The following AP2A1 variants were observed in gnomAD, a reference collection of about 807,000 sequenced individuals.
AP2A1 encodes AP-2 complex subunit alpha-1.
Under a neutral mutation model 107.3 loss-of-function variants are expected in AP2A1, and 21 were observed. That is an observed-to-expected ratio of 0.20 (90% CI 0.14 to 0.28). The LOEUF is 0.28. Among genes scored for constraint, AP2A1 ranks in the 10% least tolerant of loss-of-function variants. AP2A1 has a pLI of 1.00. For missense variants in AP2A1, 873 were observed against 1,307.7 expected, an observed-to-expected ratio of 0.67 and a Z score of 5.13; for synonymous variants, 602 against 564.8, an observed-to-expected ratio of 1.07 and a Z score of -0.93.
Position 49,805,681 on chromosome 19 carries a change from C to T in AP2A1, c.2489C>T (p.Ala830Val). ...ATCAGGTACGGTGGCGCCCCCCAGG[C>T]CCTCACCCTGAAGCTCCCAGTGACC... ...VRFRYGGAPQ[A>V]LTLKLPVTIN... The change falls in exon 20 of 23, where the codon GCC becomes GTC. Residue 830 changes from alanine to valine, a missense_variant. Physicochemically the swap from Ala to Val is moderately conservative, Grantham distance 64. Around this residue, in one of 4 missense-constraint regions of AP2A1, gnomAD observed 416 missense variants for 473.4 expected, o/e 0.88. Transcript: ENST00000354293. 6.4e-7 allele frequency: 1 copy of T among 1,565,050 alleles called. No homozygotes were observed. The highest frequency in any genetic ancestry group is 8.7e-7 in the Non-Finnish European group (1 of 1,155,724).
chr19:49,802,757 G>A, intron 15 of AP2A1, 192 bp from the exon 16 acceptor site: 1 of 1,008,614 alleles, frequency 9.9e-7, no homozygotes, highest in Non-Finnish European at 1.4e-6. Flanking sequence ...CGATGCGGGG[G>A]CACGGGCCAG....
Position 49,799,576 on chromosome 19 carries a change from C to T in AP2A1, c.1135-53C>T, listed in dbSNP as rs138602676. The stretch of plus-strand genomic sequence containing the variant: ...GCTCAGAGGCCCTTGGGTGGCCAAC[C>T]CTGTGCCAACAGGGAGTCTAAAACA... On this transcript the variant is annotated intron_variant, in intron 9 of 22. Coordinates refer to ENST00000354293, the MANE Select transcript of AP2A1 (RefSeq NM_130787.3). The T allele has an allele frequency of 2.4e-5, 39 of 1,599,830 alleles. No individual in the cohort carries two copies. The African/African-American group carries it at 4.5e-4, about 19-fold the overall frequency.
intron 18 of AP2A1, 137 bp downstream of exon 18, chr19:49,803,513 T>A (rs571063328): frequency 2.8e-6 from 2 of 715,578 alleles, no homozygotes; most frequent in East Asian, 5.4e-5. Context: ...ATTGAGTGTC[T>A]GCATCTGTTA....
rs754378520 is a variant in AP2A1 at position 49,799,714 on chromosome 19, C to T, written c.1220C>T (p.Ser407Leu). The T allele has an allele frequency of 4.4e-5, 71 of 1,613,288 alleles. No homozygotes were observed. The highest frequency in any genetic ancestry group is 3.5e-4 in the South Asian group (32 of 91,086). Residue 407 changes from serine (S) to leucine (L), a missense_variant, in exon 10 of 23, where the codon TCG (serine) becomes TTG (leucine). Around this residue, in one of 4 missense-constraint regions of AP2A1, gnomAD observed 213 missense variants for 443.5 expected, o/e 0.48. Transcript: ENST00000354293. Reference sequence around the variant, plus strand: ...CGGAGCAATGCCAAGCAGATCGTGTCGGAGATGCTGCGGTACCTGGAGACG... The same window carrying T: ...CGGAGCAATGCCAAGCAGATCGTGTTGGAGATGCTGCGGTACCTGGAGACG... ...CDRSNAKQIVSEMLRYLETAD... is the reference protein window; with the variant it reads ...CDRSNAKQIVLEMLRYLETAD...
Position 49,806,824 on chromosome 19 carries a change from G to C in AP2A1, c.*66G>C. The C allele has an allele frequency of 6.2e-7, 1 of 1,606,486 alleles. No homozygotes were observed. Among genetic ancestry groups the C allele is most frequent in the African/African-American group, 1.3e-5 (1 of 74,806 alleles). On this transcript the variant is annotated 3_prime_UTR_variant, in exon 23 of 23. Transcript: ENST00000354293. ...AGCCCCTTGGACTGAGGCAGTTTTG[G>C]TGGATGGGGGACCTCCACTGGTGAC...
In AP2A1 at chr19:49,803,292, A is replaced by G. The variant is rs202117686; in HGVS notation, c.2260A>G (p.Met754Val). 3.4e-4 allele frequency: 548 copies of G among 1,613,794 alleles called. 2 individuals are homozygous for G. Among genetic ancestry groups the G allele is most frequent in the Non-Finnish European group, 5.2e-5 (61 of 1,179,874 alleles). The stretch of plus-strand genomic sequence containing the variant: ...GCCTCCCCCACCTACTGCAGGCCGC[A>G]TGTATCTCTTCTATGGCAACAAGAC... ...KSEFRQNLGR[M>V]YLFYGNKTSV... The change falls in exon 18 of 23, where the codon ATG becomes GTG. Residue 754 changes from methionine (M) to valine (V), a missense_variant. Physicochemically the swap from Met to Val is conservative, Grantham distance 21. This residue lies in a region of AP2A1 where 416 missense variants were observed against 473.4 expected (regional missense o/e 0.88). Coordinates refer to ENST00000354293, the MANE Select transcript of AP2A1 (RefSeq NM_130787.3).
intron 14 of AP2A1, 39 bp downstream of exon 14, chr19:49,801,928 G>A (rs765380954): frequency 6.9e-7 from 1 of 1,458,204 alleles, no homozygotes. Flanking sequence ...GGTGCCTGGG[G>A]CTGGGTCCTG....
At chr19:49,787,680 G>T (rs375480419) in intron 4 of AP2A1, among the ~76,000 whole-genome samples, 183 of 152,042 alleles carry the variant, frequency 1.2e-3, no homozygotes, top group African/African-American at 4.2e-3. Flanking sequence ...TCAGTTCAGT[G>T]GTTTCTAGTA....
At chr19:49,795,971 G>A (rs2073208868) in intron 7 of AP2A1, 2 of 543,710 alleles carry the variant, frequency 3.7e-6, no homozygotes, top group African/African-American at 1.9e-5. Context: ...TGAGGTCCCT[G>A]CTACCCGGGC....
At chr19:49,803,450 C>A in intron 18 of AP2A1, 74 bp downstream of exon 18, 2 of 1,228,034 alleles carry the variant, frequency 1.6e-6, no homozygotes, top group South Asian at 1.2e-5. Context: ...GCCGGCTGAC[C>A]CAGGTCCACA....
chr19:49,805,813 C>G (rs1363758146), intron 20 of AP2A1, 36 bp downstream of exon 20: 1 of 1,558,032 alleles, frequency 6.4e-7, no homozygotes, highest in Non-Finnish European at 8.7e-7. Flanking sequence ...CAAAGCCGCG[C>G]CTCTGGGTGG....
chr19:49,793,624 G>A (rs907629089), intron 6 of AP2A1, among the ~76,000 whole-genome samples: 4 of 152,128 alleles, frequency 2.6e-5, no homozygotes, highest in Admixed American at 6.6e-5. Flanking sequence ...TCAGAACCAA[G>A]CTCTGCTCTT....
intron 1 of AP2A1, among the ~76,000 whole-genome samples, chr19:49,774,951 T>C (rs896045913): frequency 2.7e-5 from 4 of 148,540 alleles, no homozygotes; most frequent in South Asian, 2.1e-4. Context: ...AGGCTGAGCA[T>C]GGCAGCTCAC....
In AP2A1 at chr19:49,806,507, T is replaced by A. The variant is rs963512335; in HGVS notation, c.2791-174T>A. On this transcript the variant is annotated intron_variant, in intron 22 of 22. Coordinates refer to ENST00000354293, the MANE Select transcript of AP2A1 (RefSeq NM_130787.3). ...TCCTTTCCACCTTTCTCTCATCTTT[T>A]ATAATTTTCTTCCTCTCTGGCGCCT... 209 of 1,448,290 alleles carry A rather than the reference T, an allele frequency of 1.4e-4. No homozygotes were observed. The African/African-American group carries it at 2.8e-3, about 20-fold the overall frequency. The allele number at this position is 1,448,290 out of a possible 1,614,324, so 89.7% of individuals were successfully genotyped here.
chr19:49,789,677 G>A (rs1189106127), intron 4 of AP2A1, among the ~76,000 whole-genome samples: 2 of 142,184 alleles, frequency 1.4e-5, no homozygotes, highest in East Asian at 2.2e-4. Flanking sequence ...CAAGTGATCC[G>A]CCTGCCTCAG....
In AP2A1 at chr19:49,781,773, G is replaced by A. The variant is rs373577861; in HGVS notation, c.84G>A (p.Ala28=). Residue 28 remains alanine, a synonymous_variant, in exon 2 of 23, where the codon GCG becomes GCA. Coordinates refer to ENST00000354293, the MANE Select transcript of AP2A1 (RefSeq NM_130787.3). ...CTCTCCCAGGTAAGAGCAAAGAGGC[G>A]GAAATTAAGAGAATCAACAAGGAAC... ...SDIRNCKSKE[A]EIKRINKELA... is the part of the protein sequence containing the mutation. 127 of 1,600,620 alleles carry A rather than the reference G, an allele frequency of 7.9e-5. No homozygotes were observed. The highest frequency in any genetic ancestry group is 1.0e-4 in the Non-Finnish European group (123 of 1,173,748).
At position 49,798,941 on chromosome 19, in the gene AP2A1, C is replaced by T. The variant is rs927679840; in HGVS notation, c.954C>T (p.Ile318=). The T allele has an allele frequency of 4.5e-6, 7 of 1,552,544 alleles. No individual in the cohort carries two copies. The African/African-American group carries it at 9.6e-5, about 21-fold the overall frequency. The change falls in exon 8 of 23, where the codon ATC becomes ATT. Residue 318 remains isoleucine (I), a synonymous_variant. Coordinates refer to ENST00000354293, the MANE Select transcript of AP2A1 (RefSeq NM_130787.3). ...TCTTCGAGACCATCAGCCTCATCAT[C>T]CACTATGACAGGTGCCCGCCTGGGC... ...AILFETISLI[I]HYDSEPNLLV...
intron 1 of AP2A1, among the ~76,000 whole-genome samples, chr19:49,776,230 C>A (rs1265845990): frequency 6.6e-6 from 1 of 151,920 alleles, no homozygotes; most frequent in Admixed American, 6.6e-5. Flanking sequence ...AGACTCTGTG[C>A]CTCTTTCATC....
At chr19:49,805,812 G>A in intron 20 of AP2A1, 35 bp downstream of exon 20, 1 of 1,208,554 alleles carries the variant, frequency 8.3e-7, no homozygotes, top group Non-Finnish European at 1.2e-6. Flanking sequence ...CCAAAGCCGC[G>A]CCTCTGGGTG....
Sources: allele counts gnomAD v4.1 joint callset (sites outside exome capture counted in the v4.1 genomes callset), GRCh38; gene constraint gnomAD v4.1.1; regional missense constraint gnomAD v4.1.1; transcripts MANE v1.5; gene names NCBI Gene and HGNC (gene_info 2026-07-23, HGNC 2026-07-21).